The following DAAM1 variants were observed in gnomAD, a reference collection of about 807,000 sequenced individuals.
DAAM1 encodes the protein disheveled-associated activator of morphogenesis 1.
Under a neutral mutation model 130.0 loss-of-function variants are expected in DAAM1, and 52 were observed. The observed-to-expected ratio is 0.40, with a 90% CI of 0.32 to 0.50. DAAM1 has a LOEUF of 0.50. DAAM1 is among the 20% of genes least tolerant of loss of function. DAAM1 has a pLI of 0.61. For synonymous variants in DAAM1, 452 were observed against 444.5 expected (o/e 1.02, Z -0.21); for missense variants, 1,134 against 1,303.8 (o/e 0.87, Z 2.01).
chr14:59,213,270 C>T (rs1264157542), intron 1 of DAAM1, among the ~76,000 whole-genome samples: 1 of 140,908 alleles, frequency 7.1e-6, no homozygotes, highest in African/African-American at 2.7e-5. Flanking sequence ...CAGCTTTAAG[C>T]AGCCTGTCTG....
chr14:59,346,241 C>T (rs1886077164), intron 16 of DAAM1, among the ~76,000 whole-genome samples: 1 of 151,566 alleles, frequency 6.6e-6, no homozygotes, highest in South Asian at 2.1e-4. Flanking sequence ...TTGCTCTAGT[C>T]ACACTGACCA....
intron 1 of DAAM1, among the ~76,000 whole-genome samples, chr14:59,221,907 A>G (rs1305692752): frequency 6.6e-6 from 1 of 152,220 alleles, no homozygotes. Context: ...CCAGTGACCC[A>G]CTAGGCGTAA....
chr14:59,249,578 G>T (rs2139479083), intron 1 of DAAM1, among the ~76,000 whole-genome samples: 1 of 152,294 alleles, frequency 6.6e-6, no homozygotes, highest in East Asian at 1.9e-4. Flanking sequence ...TAGGACTATT[G>T]TTAGCATTCA....
At chr14:59,298,877 T>G (rs934540624) in intron 3 of DAAM1, among the ~76,000 whole-genome samples, 1 of 152,242 alleles carries the variant, frequency 6.6e-6, no homozygotes, top group Non-Finnish European at 1.5e-5. Context: ...GTATCCAGAA[T>G]GGTCTTGTGC....
chr14:59,297,386 C>T (rs979469077), intron 3 of DAAM1, among the ~76,000 whole-genome samples: 1 of 152,144 alleles, frequency 6.6e-6, no homozygotes, highest in Non-Finnish European at 1.5e-5. Context: ...GAATTATGTG[C>T]GAGAATGTTT....
chr14:59,298,259 G>GA, intron 3 of DAAM1, among the ~76,000 whole-genome samples: 1 of 152,204 alleles, frequency 6.6e-6, no homozygotes, highest in African/African-American at 2.4e-5. Context: ...AAATTAGGAG[G>GA]AAAAAATAAA....
At chr14:59,346,363 T>A (rs1470558996) in intron 16 of DAAM1, among the ~76,000 whole-genome samples, 1 of 152,210 alleles carries the variant, frequency 6.6e-6, no homozygotes, top group African/African-American at 2.4e-5. Context: ...GTTTACATCT[T>A]TATCTCCAGT....
chr14:59,200,988 T>C (rs773617222), intron 1 of DAAM1, among the ~76,000 whole-genome samples: 28 of 151,790 alleles, frequency 1.8e-4, no homozygotes, highest in Non-Finnish European at 3.5e-4. Context: ...GATGAAATCC[T>C]GTCTCCACTA....
At position 59,359,488 on chromosome 14, in the gene DAAM1, C is replaced by T. The variant is rs1886619182; in HGVS notation, c.2617C>T (p.Gln873Ter). Residue 873 changes from glutamine to a stop codon, truncating the protein, a stop_gained, in exon 21 of 25, where the codon CAA becomes TAA. Transcript: ENST00000360909. LOFTEE classifies it high-confidence loss of function. ...NLNEELRDIP[Q>*]AAKVNMTELD... ...AAATGAAGAATTGCGAGATATTCCT[C>T]AAGCTGCGAAAGTAAAGTAAGTACT... 1 of 1,613,234 alleles carries T rather than the reference C, an allele frequency of 6.2e-7. No individual in the cohort carries two copies. The highest frequency in any genetic ancestry group is 8.5e-7 in the Non-Finnish European group (1 of 1,179,408).
Position 59,330,586 on chromosome 14 carries a change from C to T in DAAM1, c.1458C>T (p.Thr486=), listed in dbSNP as rs1245178570. ...KTQEKEEMMQ[T]LNKMKEKLEK... ...AAGAGAAGGAAGAGATGATGCAGAC[C>T]TTAAATAAAATGAAAGAGAAACTTG... The change falls in exon 13 of 25, where the codon ACC becomes ACT. Residue 486 remains threonine (T), a synonymous_variant. Transcript: ENST00000360909. The T allele has an allele frequency of 6.2e-7, 1 of 1,613,842 alleles. No individual in the cohort carries two copies. The highest frequency in any genetic ancestry group is 1.7e-5 in the Admixed American group (1 of 59,984).
rs138537813 is a variant in DAAM1 at position 59,236,192 on chromosome 14, A to G, written c.-37-27249A>G. 3.4e-3 allele frequency among the ~76,000 whole-genome samples: 516 copies of G among 152,016 alleles called. 6 individuals carry two copies. The highest frequency in any genetic ancestry group is 1.7e-3 in the Non-Finnish European group (114 of 68,010). ...TCTTTCCTGAGCTGCTAGGCATTTG[A>G]ATCTTCAGGTAATTTTTAGCAGATC... is the stretch of plus-strand genomic sequence containing the variant. On this transcript the variant is annotated intron_variant, in intron 1 of 24. Transcript: ENST00000360909.
At chr14:59,196,651 G>A (rs1887904147) in intron 1 of DAAM1, among the ~76,000 whole-genome samples, 1 of 152,048 alleles carries the variant, frequency 6.6e-6, no homozygotes, top group Admixed American at 6.5e-5. Flanking sequence ...GCTGAGGCAG[G>A]AGAATGGCGT....
chr14:59,345,653 T>C (rs912099025), intron 16 of DAAM1, among the ~76,000 whole-genome samples: 2 of 152,182 alleles, frequency 1.3e-5, no homozygotes, highest in Admixed American at 6.5e-5. Context: ...GCTTCTCTTC[T>C]TTGCTGCCTT....
rs1467030735 is a variant in DAAM1 at position 59,312,269 on chromosome 14, CATT to C, written c.274-3007_274-3005del. 2.0e-5 allele frequency among the ~76,000 whole-genome samples: 3 copies of C among 152,308 alleles called. No homozygotes were observed. The East Asian group carries it at 5.8e-4, about 29-fold the overall frequency. On this transcript the variant is annotated intron_variant, in intron 3 of 24. Transcript: ENST00000360909. Reference sequence around the variant, plus strand: ...ATAACTGGAGACTCTGGAACAGTATCATTATTGTCAGAGCTAGCATTTATTGAG... The same window carrying C: ...ATAACTGGAGACTCTGGAACAGTATCATTGTCAGAGCTAGCATTTATTGAG...
Position 59,322,960 on chromosome 14 carries a change from A to G in DAAM1, c.509A>G (p.Tyr170Cys), listed in dbSNP as rs1885071447. 1 of 1,614,176 alleles carries G rather than the reference A, an allele frequency of 6.2e-7. No homozygotes were observed. Residue 170 changes from tyrosine to cysteine, a missense_variant, in exon 6 of 25, where the codon TAC (tyrosine) becomes TGC (cysteine). This residue lies in a region of DAAM1 where 391 missense variants were observed against 521.6 expected (regional missense o/e 0.75). Transcript: ENST00000360909. ...CILNFLKTMD[Y>C]ETSESRIHTS... ...CTCAACTTTCTAAAGACCATGGACT[A>G]CGAGACCTCAGAGTCTCGAATACAT...
intron 3 of DAAM1, 50 bp downstream of exon 3, chr14:59,291,356 C>A (rs1314292378): frequency 1.4e-6 from 2 of 1,419,232 alleles, no homozygotes; most frequent in Non-Finnish European, 2.0e-6. Flanking sequence ...TCATTGATTC[C>A]ATTTGCTCTT....
chr14:59,277,664 A>T (rs1883030212), intron 2 of DAAM1, among the ~76,000 whole-genome samples: 1 of 152,096 alleles, frequency 6.6e-6, no homozygotes, highest in South Asian at 2.1e-4. Context: ...CTCTTGCTTA[A>T]TCATTTTCCT....
intron 15 of DAAM1, among the ~76,000 whole-genome samples, chr14:59,339,129 A>T (rs1885748043): frequency 1.3e-5 from 2 of 152,230 alleles, no homozygotes; most frequent in African/African-American, 2.4e-5. Flanking sequence ...TACTACTTTA[A>T]TTCAGCCCCC....
At chr14:59,192,149 G>GGTGTGTGTGTGTGTGT (rs55791691) in intron 1 of DAAM1, among the ~76,000 whole-genome samples, 7 of 138,558 alleles carry the variant, frequency 5.1e-5, no homozygotes, top group East Asian at 4.3e-4. Flanking sequence ...CTTGTTAAGG[G>GGTGTGTGTGTGTGTGT]GTGTGTGTGT....
Sources: allele counts gnomAD v4.1 joint callset (sites outside exome capture counted in the v4.1 genomes callset), GRCh38; gene constraint gnomAD v4.1.1; regional missense constraint gnomAD v4.1.1; transcripts MANE v1.5; gene names NCBI Gene and HGNC (gene_info 2026-07-23, HGNC 2026-07-21).